LIX1L: variants seen among roughly 807,000 people sequenced by gnomAD.
The protein encoded by LIX1L is limb and CNS expressed 1 like.
In LIX1L, 20 loss-of-function variants were observed where a neutral mutation model predicts 34.0. The observed-to-expected ratio is 0.59, with a 90% CI of 0.41 to 0.85. The LOEUF (loss-of-function observed/expected upper bound fraction) is 0.85, where lower values mean the gene tolerates loss of function less well. Ranked by LOEUF, LIX1L falls within the 40% of genes least tolerant of loss-of-function variation. The probability of loss-of-function intolerance (pLI) is 0.00; values close to 1 mark genes in which losing one functional copy is unlikely to be tolerated. For synonymous variants in LIX1L, 170 were observed against 187.4 expected, an observed-to-expected ratio of 0.91 and a Z score of 0.76; for missense variants, 397 against 447.0, an observed-to-expected ratio of 0.89 and a Z score of 1.01.
rs1379899743 is a variant in LIX1L at position 145,945,424 on chromosome 1, C to T, written c.456+2195G>A. On this transcript the variant is annotated intron_variant, in intron 2 of 5. Coordinates refer to ENST00000604000, the MANE Select transcript of LIX1L (RefSeq NM_153713.3). The stretch of plus-strand genomic sequence containing the variant: ...GGGCATTGTCATAAAATTTTCAAGT[C>T]ATTCAACAATGTAATGAGGTGGGAA... Among the ~76,000 whole-genome samples the T allele has an allele frequency of 3.3e-5, 5 of 151,930 alleles. No homozygotes were observed. In the Middle Eastern group the frequency reaches 0.01, roughly 310 times the overall value.
At chr1:145,952,958 C>A (rs950654361) in intron 1 of LIX1L, among the ~76,000 whole-genome samples, 1 of 151,850 alleles carries the variant, frequency 6.6e-6, no homozygotes, top group Non-Finnish European at 1.5e-5. Flanking sequence ...ATCGCTGAAG[C>A]TAGAATTCAG....
Position 145,936,938 on chromosome 1 carries a change from C to A in LIX1L, c.741G>T (p.Lys247Asn). The A allele has an allele frequency of 6.2e-7, 1 of 1,613,626 alleles. No homozygotes were observed. Among genetic ancestry groups the A allele is most frequent in the South Asian group, 1.1e-5 (1 of 91,076 alleles). ...FQLLHWNGSL[K>N]AMRERQCSRQ... Reference sequence around the variant, plus strand: ...GAGAGCATTGTCGTTCCCTCATGGCCTTAAGGCTGCCATTCCAGTGTAGCA... The same window carrying A: ...GAGAGCATTGTCGTTCCCTCATGGCATTAAGGCTGCCATTCCAGTGTAGCA... Residue 247 changes from lysine to asparagine, a missense_variant, in exon 5 of 6, where the codon AAG becomes AAT. This residue lies in a region of LIX1L where 174 missense variants were observed against 204.0 expected (regional missense o/e 0.85). Transcript: ENST00000604000.
chr1:145,937,093 C>G (rs1648677646), intron 4 of LIX1L, 108 bp from the exon 5 acceptor site: 1 of 660,736 alleles, frequency 1.5e-6, no homozygotes, highest in Non-Finnish European at 2.8e-6. Context: ...AAGCATCTCT[C>G]ATCACTAACT....
At chr1:145,942,231 A>T (rs1648947800) in intron 3 of LIX1L, 1 of 154,012 alleles carries the variant, frequency 6.5e-6, no homozygotes, top group Non-Finnish European at 1.4e-5. Flanking sequence ...AGTTGTAAAT[A>T]AAGAGAGTAA....
At position 145,957,674 on chromosome 1, in the gene LIX1L, ACCACGGCCT is replaced by A. The variant is rs1649528222; in HGVS notation, c.245_253del (p.Glu82_Val84del). The A allele has an allele frequency of 6.5e-7, 1 of 1,540,630 alleles. No homozygotes were observed. Among genetic ancestry groups the A allele is most frequent in the South Asian group, 1.2e-5 (1 of 83,754 alleles). ...CTGCGTGTGCTTGGCGAAGCTCCTC[ACCACGGCCT>A]CCACGGCCTCTCGCAGCACTGCCGG... On this transcript the variant is annotated inframe_deletion, in exon 1 of 6. Coordinates refer to ENST00000604000, the MANE Select transcript of LIX1L (RefSeq NM_153713.3).
At chr1:145,939,409 G>A (rs1213949843) in intron 3 of LIX1L, among the ~76,000 whole-genome samples, 1 of 151,238 alleles carries the variant, frequency 6.6e-6, no homozygotes, top group Non-Finnish European at 1.5e-5. Flanking sequence ...GGGTTCAAGC[G>A]ATTTTCCTAC....
At chr1:145,938,402 C>T (rs1648751582) in intron 3 of LIX1L, among the ~76,000 whole-genome samples, 1 of 151,948 alleles carries the variant, frequency 6.6e-6, no homozygotes, top group Admixed American at 6.6e-5. Context: ...TGTAAAAAAA[C>T]CAATACAGCA....
At chr1:145,942,599 G>A (rs782779085) in intron 3 of LIX1L, 114 bp downstream of exon 3, 26 of 948,668 alleles carry the variant, frequency 2.7e-5, no homozygotes, top group Admixed American at 3.9e-5. Context: ...GAACAGAGAG[G>A]TGGACCAGAA....
intron 1 of LIX1L, chr1:145,950,269 A>C: frequency 6.6e-6 from 1 of 152,486 alleles, no homozygotes. Context: ...GACAACAGGG[A>C]GAGCCTTCTG....
intron 2 of LIX1L, among the ~76,000 whole-genome samples, chr1:145,944,073 G>A (rs1553758970): frequency 3.3e-5 from 5 of 149,630 alleles, no homozygotes; most frequent in African/African-American, 9.8e-5. Flanking sequence ...AAGTAGACCA[G>A]GGGTTGGGCA....
intron 1 of LIX1L, among the ~76,000 whole-genome samples, chr1:145,953,764 G>C (rs187991356): frequency 6.6e-6 from 1 of 152,244 alleles, no homozygotes; most frequent in East Asian, 1.9e-4. Context: ...CCTTATAAGA[G>C]GGAGGCAGGA....
intron 3 of LIX1L, among the ~76,000 whole-genome samples, chr1:145,937,940 C>T (rs1186817440): frequency 6.6e-6 from 1 of 151,964 alleles, no homozygotes; most frequent in Non-Finnish European, 1.5e-5. Context: ...CCAGCCTGGC[C>T]AACATGGTGA....
intron 1 of LIX1L, among the ~76,000 whole-genome samples, chr1:145,955,491 C>T (rs1283924540): frequency 1.3e-5 from 2 of 152,144 alleles, no homozygotes; most frequent in East Asian, 3.8e-4. Context: ...ATTGTCTAGG[C>T]AGAGGCTAAA....
In LIX1L at chr1:145,954,393, G is replaced by C. The variant is rs182922532; in HGVS notation, c.292+3243C>G. ...ACTAATCCAGCATTTCCAAAAATTG[G>C]AAATATTCAGCCCAACCCATTTAAC... On this transcript the variant is annotated intron_variant, in intron 1 of 5. Coordinates refer to ENST00000604000, the MANE Select transcript of LIX1L (RefSeq NM_153713.3). 3.9e-5 allele frequency among the ~76,000 whole-genome samples: 6 copies of C among 152,242 alleles called. No homozygotes were observed. In the East Asian group the frequency reaches 1.2e-3, roughly 29 times the overall value.
intron 1 of LIX1L, among the ~76,000 whole-genome samples, chr1:145,957,010 C>T (rs587646019): frequency 2.0e-5 from 3 of 152,222 alleles, no homozygotes; most frequent in African/African-American, 7.2e-5. Flanking sequence ...AAAAAAGATA[C>T]CAAAGTAAGG....
Position 145,937,646 on chromosome 1 carries a change from G to A in LIX1L, c.651C>T (p.Phe217=), listed in dbSNP as rs1553758019. 6.2e-7 allele frequency: 1 copy of A among 1,613,660 alleles called. No individual in the cohort carries two copies. Among genetic ancestry groups the A allele is most frequent in the African/African-American group, 1.3e-5 (1 of 74,894 alleles). The change falls in exon 4 of 6, where the codon TTC becomes TTT. Residue 217 remains phenylalanine, a synonymous_variant. Coordinates refer to ENST00000604000, the MANE Select transcript of LIX1L (RefSeq NM_153713.3). ...ATTTGCCCTTGTTGGATTCCAGCAT[G>A]AATCGGAAGGCACCAATCCCTGTAT... is the stretch of plus-strand genomic sequence containing the variant. ...NPNTGIGAFR[F]MLESNKGKSM... is the part of the protein sequence containing the mutation.
At chr1:145,936,706 C>T (rs113357611) in intron 5 of LIX1L, 154 bp from the exon 6 acceptor site, 56 of 911,810 alleles carry the variant, frequency 6.1e-5, no homozygotes, top group Non-Finnish European at 6.8e-5. Flanking sequence ...CTTCCTGCTA[C>T]GGGAAGCAAG....
chr1:145,936,676 C>T lies in LIX1L; in HGVS notation c.772-124G>A, dbSNP rs1372726081. 3 of 1,190,358 alleles carry T rather than the reference C, an allele frequency of 2.5e-6. No homozygotes were observed. In the African/African-American group the frequency reaches 4.6e-5, roughly 18 times the overall value. The allele number at this position is 1,190,358 out of a possible 1,614,324, so 73.7% of individuals were successfully genotyped here. ...AACTGAGGTCAGCACCTAAGTTCTT[C>T]AAGGAGATTCTTAAAGGCACTTCCT... On this transcript the variant is annotated intron_variant, in intron 5 of 5. Transcript: ENST00000604000.
At chr1:145,942,965 A>G in intron 2 of LIX1L, 112 bp from the exon 3 acceptor site, 1 of 1,055,542 alleles carries the variant, frequency 9.5e-7, no homozygotes, top group South Asian at 1.5e-5. Flanking sequence ...TCTTTGGATA[A>G]ATCAGTTGTG....
Sources: gnomAD v4.1 joint callset for allele counts (sites outside exome capture counted in the v4.1 genomes callset) on GRCh38, gnomAD v4.1.1 for gene constraint, gnomAD v4.1.1 regional missense constraint, MANE v1.5 for transcripts, NCBI Gene and HGNC (gene_info 2026-07-23, HGNC 2026-07-21) for gene names.